Variants in ITGAM observed in about 807,000 individuals in gnomAD.
The protein encoded by ITGAM is integrin subunit alpha M.
A neutral mutation model predicts 137.5 loss-of-function variants in ITGAM; 79 were observed. The ratio of observed to expected loss-of-function variants is 0.57; its 90% CI spans 0.48 to 0.69. The LOEUF (loss-of-function observed/expected upper bound fraction) is 0.69, where lower values mean the gene tolerates loss of function less well. ITGAM is among the 30% of genes least tolerant of loss of function. The pLI, the probability that ITGAM is intolerant of heterozygous loss-of-function variation, is 0.00. For synonymous variants in ITGAM, 583 were observed against 592.3 expected (o/e 0.98, Z 0.23); for missense variants, 1,343 against 1,483.5 (o/e 0.91, Z 1.56).
intron 8 of ITGAM, among the ~76,000 whole-genome samples, chr16:31,274,157 G>A (rs1434879156): frequency 2.0e-4 from 30 of 152,184 alleles, no homozygotes; most frequent in Admixed American, 1.8e-3. Flanking sequence ...TCCCAAGGAG[G>A]CAGTTCTTCT....
chr16:31,268,519 C>T (rs1037829792), intron 5 of ITGAM, among the ~76,000 whole-genome samples: 2 of 152,036 alleles, frequency 1.3e-5, no homozygotes, highest in African/African-American at 4.8e-5. Flanking sequence ...ATTAGCCAGG[C>T]ATGGTGGCGT....
intron 12 of ITGAM, among the ~76,000 whole-genome samples, chr16:31,293,163 T>A (rs530241644): frequency 2.0e-5 from 3 of 152,202 alleles, no homozygotes; most frequent in African/African-American, 4.8e-5. Flanking sequence ...TACACCTTTG[T>A]TGGATGCATA....
At chr16:31,292,578 C>G (rs1254307749) in intron 12 of ITGAM, among the ~76,000 whole-genome samples, 2 of 151,982 alleles carry the variant, frequency 1.3e-5, no homozygotes, top group Non-Finnish European at 2.9e-5. Context: ...ATCCATGTTC[C>G]CACAAAAGAC....
At chr16:31,288,480 C>A (rs1485091956) in intron 12 of ITGAM, among the ~76,000 whole-genome samples, 1 of 152,052 alleles carries the variant, frequency 6.6e-6, no homozygotes, top group African/African-American at 2.4e-5. Flanking sequence ...TGATCTTTGA[C>A]AAACCTGACA....
chr16:31,323,303 G>A (rs776030364), intron 16 of ITGAM, among the ~76,000 whole-genome samples: 10 of 151,890 alleles, frequency 6.6e-5, no homozygotes, highest in Non-Finnish European at 1.2e-4. Context: ...GGTGGTATGC[G>A]TCTGTAATCC....
At chr16:31,319,438 T>G (rs1460915963) in intron 14 of ITGAM, among the ~76,000 whole-genome samples, 1 of 152,198 alleles carries the variant, frequency 6.6e-6, no homozygotes, top group African/African-American at 2.4e-5. Flanking sequence ...TATCATTATT[T>G]GTTTTTTGAC....
At chr16:31,262,130 A>T (rs1286548439) in intron 2 of ITGAM, among the ~76,000 whole-genome samples, 1 of 152,146 alleles carries the variant, frequency 6.6e-6, no homozygotes, top group Non-Finnish European at 1.5e-5. Context: ...TATACATTGT[A>T]CTGAAATTAA....
chr16:31,304,832 A>G (rs1323106648), intron 14 of ITGAM, among the ~76,000 whole-genome samples: 1 of 152,154 alleles, frequency 6.6e-6, no homozygotes, highest in African/African-American at 2.4e-5. Context: ...CTATTTTTAT[A>G]CCAGTACCAT....
intron 7 of ITGAM, among the ~76,000 whole-genome samples, chr16:31,272,397 GGA>G (rs2144290277): frequency 7.7e-6 from 1 of 129,558 alleles, no homozygotes; most frequent in South Asian, 2.7e-4. Flanking sequence ...CAGTGCTCTG[GGA>G]GAGGTTTCCT....
chr16:31,288,932 C>A (rs1190348910), intron 12 of ITGAM, among the ~76,000 whole-genome samples: 1 of 152,114 alleles, frequency 6.6e-6, no homozygotes, highest in African/African-American at 2.4e-5. Flanking sequence ...ACCCCATCAA[C>A]AAGTGGGTGA....
chr16:31,325,803 T>C (rs2080502744), intron 21 of ITGAM, among the ~76,000 whole-genome samples, 181 bp downstream of exon 21: 2 of 152,318 alleles, frequency 1.3e-5, no homozygotes, highest in South Asian at 2.1e-4. Flanking sequence ...CAGTGGCTCA[T>C]GCTTGTAATC....
intron 2 of ITGAM, 112 bp from the exon 3 acceptor site, chr16:31,265,283 T>A: frequency 2.0e-6 from 1 of 511,238 alleles, no homozygotes. Context: ...GTCATAGGAA[T>A]TTAGGAATCC....
chr16:31,267,167 G>A (rs1284303752), intron 5 of ITGAM, among the ~76,000 whole-genome samples: 5 of 152,154 alleles, frequency 3.3e-5, no homozygotes, highest in African/African-American at 1.2e-4. Context: ...TGGGGGGCAT[G>A]AGCCACCATG....
intron 16 of ITGAM, among the ~76,000 whole-genome samples, chr16:31,323,068 G>C (rs1248143958): frequency 1.3e-5 from 2 of 151,938 alleles, no homozygotes; most frequent in African/African-American, 4.8e-5. Context: ...AAATAGGAAA[G>C]ATGGAATAGG....
chr16:31,271,152 C>A, intron 6 of ITGAM, 68 bp downstream of exon 6: 1 of 1,296,188 alleles, frequency 7.7e-7, no homozygotes, highest in Admixed American at 2.6e-5. Flanking sequence ...AACCGGGCCA[C>A]CATGTTCTCC....
intron 14 of ITGAM, among the ~76,000 whole-genome samples, chr16:31,320,706 C>T (rs1318152670): frequency 6.6e-6 from 1 of 152,098 alleles, no homozygotes; most frequent in African/African-American, 2.4e-5. Context: ...TTTCAGTTTT[C>T]CTTTTGCCAC....
At chr16:31,321,024 T>C (rs116786658) in intron 14 of ITGAM, among the ~76,000 whole-genome samples, 128 of 152,218 alleles carry the variant, frequency 8.4e-4, no homozygotes, top group African/African-American at 2.9e-3. Context: ...AAAAGTTTTT[T>C]TAAAAAAGAA....
In ITGAM at chr16:31,331,893, A is replaced by T; in HGVS notation, c.*186A>T. On this transcript the variant is annotated 3_prime_UTR_variant, in exon 30 of 30. Transcript: ENST00000544665. ...CAAGTGTCTGTGTGCAAGTGTGTGC[A>T]CATGTGTGCGTGTGCGTGCATGTGC... The T allele has an allele frequency of 1.8e-6, 1 of 552,470 alleles. No individual in the cohort carries two copies. Among genetic ancestry groups the T allele is most frequent in the Admixed American group, 3.6e-5 (1 of 27,674 alleles). 34.2% of individuals were successfully genotyped at this position (552,470 alleles called of 1,614,324 possible). A position where few individuals can be genotyped will look rare whatever the true frequency, so the allele number is the denominator to read the frequency against.
chr16:31,305,919 GTTTTC>G (rs1321531194), intron 14 of ITGAM, among the ~76,000 whole-genome samples: 7 of 151,944 alleles, frequency 4.6e-5, no homozygotes, highest in African/African-American at 1.4e-4. Flanking sequence ...TTGTTCTGTA[GTTTTC>G]TTTTTTTTGT....
Sources: allele counts gnomAD v4.1 joint callset (sites outside exome capture counted in the v4.1 genomes callset), GRCh38; gene constraint gnomAD v4.1.1; transcripts MANE v1.5; gene names NCBI Gene and HGNC (gene_info 2026-07-23, HGNC 2026-07-21).